The following CTNNA3 variants were observed in gnomAD, a reference collection of about 807,000 sequenced individuals.
CTNNA3 encodes catenin alpha 3, also known as catenin alpha-3.
A neutral mutation model predicts 95.7 loss-of-function variants in CTNNA3; 76 were observed. The observed-to-expected ratio is 0.79, with a 90% CI of 0.66 to 0.96. CTNNA3 has a LOEUF of 0.96. Among genes scored for constraint, CTNNA3 ranks in the 40% least tolerant of loss-of-function variants. The pLI, the probability that CTNNA3 is intolerant of heterozygous loss-of-function variation, is 0.00. For missense variants in CTNNA3, 1,191 were observed against 1,089.8 expected, an observed-to-expected ratio of 1.09 and a Z score of -1.31; for synonymous variants, 431 against 374.4, an observed-to-expected ratio of 1.15 and a Z score of -1.74.
At chr10:67,303,075 C>G (rs896822988) in intron 5 of CTNNA3, among the ~76,000 whole-genome samples, 4 of 152,274 alleles carry the variant, frequency 2.6e-5, no homozygotes, top group Non-Finnish European at 2.9e-5. Context: ...TTGTAATAAA[C>G]TCATCCAGGT....
intron 9 of CTNNA3, among the ~76,000 whole-genome samples, chr10:66,675,090 C>T (rs1014075206): frequency 3.9e-5 from 6 of 152,114 alleles, no homozygotes; most frequent in Middle Eastern, 3.4e-3. Flanking sequence ...GGTTAAACAA[C>T]GCTACAGCTT....
chr10:66,889,416 G>A (rs566405908), intron 7 of CTNNA3, among the ~76,000 whole-genome samples: 1 of 152,208 alleles, frequency 6.6e-6, no homozygotes, highest in African/African-American at 2.4e-5. Flanking sequence ...ATTGTAACAA[G>A]TGTACCACTC....
At chr10:66,139,981 C>T (rs1300106654) in intron 13 of CTNNA3, among the ~76,000 whole-genome samples, 2 of 152,118 alleles carry the variant, frequency 1.3e-5, no homozygotes, top group Non-Finnish European at 2.9e-5. Flanking sequence ...TGAAGGTGGC[C>T]TCATTAGTGA....
chr10:67,623,718 C>T (rs1395664264), intron 2 of CTNNA3, among the ~76,000 whole-genome samples: 1 of 152,124 alleles, frequency 6.6e-6, no homozygotes, highest in Non-Finnish European at 1.5e-5. Context: ...GCATTCTCCC[C>T]TCTTTTGTAG....
At chr10:67,383,818 AGT>A (rs1844040504) in intron 5 of CTNNA3, among the ~76,000 whole-genome samples, 3 of 152,246 alleles carry the variant, frequency 2.0e-5, no homozygotes, top group Admixed American at 2.0e-4. Flanking sequence ...AACATTAAAC[AGT>A]GACGTTTACT....
intron 13 of CTNNA3, among the ~76,000 whole-genome samples, chr10:66,239,520 TCAA>T (rs1392100674): frequency 5.9e-5 from 9 of 151,912 alleles, no homozygotes; most frequent in South Asian, 2.1e-4. Context: ...TTAGGCACTC[TCAA>T]CAACAACAAC....
chr10:67,738,914 C>T (rs923524439), intron 1 of CTNNA3, among the ~76,000 whole-genome samples: 1 of 152,102 alleles, frequency 6.6e-6, no homozygotes, highest in Admixed American at 6.5e-5. Flanking sequence ...AAGAAATGAA[C>T]AAAGCCTCCA....
chr10:67,584,099 C>T (rs1182615350), intron 3 of CTNNA3, among the ~76,000 whole-genome samples: 5 of 152,262 alleles, frequency 3.3e-5, no homozygotes, highest in African/African-American at 7.2e-5. Context: ...AGCTTTGTTC[C>T]GTTGCTGGCA....
At chr10:66,320,077 A>G (rs1346548512) in intron 12 of CTNNA3, among the ~76,000 whole-genome samples, 2 of 152,070 alleles carry the variant, frequency 1.3e-5, no homozygotes, top group Non-Finnish European at 2.9e-5. Flanking sequence ...GGCTGTTGTG[A>G]GCTTTTACGC....
intron 5 of CTNNA3, among the ~76,000 whole-genome samples, chr10:67,380,960 C>T (rs1483784125): frequency 2.0e-5 from 3 of 152,148 alleles, no homozygotes; most frequent in South Asian, 2.1e-4. Context: ...ACCTCAAGGG[C>T]TTCAGGTACC....
chr10:66,127,385 G>A (rs1254957612), intron 13 of CTNNA3, among the ~76,000 whole-genome samples: 1 of 151,352 alleles, frequency 6.6e-6, no homozygotes, highest in Non-Finnish European at 1.5e-5. Flanking sequence ...TACTTGAAAT[G>A]ATATGATAAA....
chr10:66,296,770 G>A (rs1453111627), intron 12 of CTNNA3, among the ~76,000 whole-genome samples: 2 of 152,018 alleles, frequency 1.3e-5, no homozygotes, highest in South Asian at 2.1e-4. Context: ...ACAAAATGTT[G>A]GTTGTGTCAT....
chr10:66,801,958 A>G (rs2132235773), intron 7 of CTNNA3, among the ~76,000 whole-genome samples: 1 of 151,900 alleles, frequency 6.6e-6, no homozygotes, highest in South Asian at 2.1e-4. Flanking sequence ...TTACATGGTT[A>G]ATAAATATTT....
intron 7 of CTNNA3, among the ~76,000 whole-genome samples, chr10:66,848,475 A>G (rs1225931208): frequency 6.6e-6 from 1 of 152,198 alleles, no homozygotes; most frequent in East Asian, 1.9e-4. Context: ...ATACAGAATC[A>G]GAGACATGAC....
At chr10:66,275,165 T>C (rs2091366180) in intron 13 of CTNNA3, among the ~76,000 whole-genome samples, 3 of 152,188 alleles carry the variant, frequency 2.0e-5, no homozygotes, top group Admixed American at 2.0e-4. Flanking sequence ...TCACCCAGTC[T>C]GGAGTGCAAT....
chr10:66,887,748 C>A (rs1167197303), intron 7 of CTNNA3, among the ~76,000 whole-genome samples: 2 of 152,166 alleles, frequency 1.3e-5, no homozygotes, highest in Non-Finnish European at 2.9e-5. Context: ...AGAACCATCC[C>A]TAACTAAGTC....
chr10:66,172,664 T>C (rs1298529406), intron 13 of CTNNA3, among the ~76,000 whole-genome samples: 2 of 152,188 alleles, frequency 1.3e-5, no homozygotes, highest in East Asian at 3.8e-4. Context: ...ATACCTGTTT[T>C]ATCAAGCAAT....
chr10:65,984,455 G>A (rs2078384496), intron 16 of CTNNA3, among the ~76,000 whole-genome samples: 1 of 151,236 alleles, frequency 6.6e-6, no homozygotes, highest in East Asian at 1.9e-4. Flanking sequence ...ACTATTTTAT[G>A]TATGAAATGG....
intron 9 of CTNNA3, among the ~76,000 whole-genome samples, chr10:66,647,861 G>A (rs1564592809): frequency 6.6e-6 from 1 of 152,140 alleles, no homozygotes; most frequent in Middle Eastern, 3.4e-3. Flanking sequence ...AAGAAGAAAA[G>A]AGAAGCATAT....
Sources: gnomAD v4.1 joint callset for allele counts (sites outside exome capture counted in the v4.1 genomes callset) on GRCh38, gnomAD v4.1.1 for gene constraint, MANE v1.5 for transcripts, NCBI Gene and HGNC (gene_info 2026-07-23, HGNC 2026-07-21) for gene names.